PPARD: variants seen among roughly 807,000 people sequenced by gnomAD.
The protein encoded by PPARD is peroxisome proliferator activated receptor delta.
A neutral mutation model predicts 39.5 loss-of-function variants in PPARD; 6 were observed. The ratio of observed to expected loss-of-function variants is 0.15; its 90% CI spans 0.08 to 0.30. The LOEUF (loss-of-function observed/expected upper bound fraction) is 0.30, where lower values mean the gene tolerates loss of function less well. PPARD is among the 10% of genes least tolerant of loss of function. The pLI is 1.00. For missense variants in PPARD, 397 were observed against 596.8 expected, an observed-to-expected ratio of 0.67 and a Z score of 3.49; for synonymous variants, 210 against 231.3, an observed-to-expected ratio of 0.91 and a Z score of 0.83.
At chr6:35,415,752 G>C (rs1038929362) in intron 3 of PPARD, among the ~76,000 whole-genome samples, 2 of 146,048 alleles carry the variant, frequency 1.4e-5, no homozygotes, top group Admixed American at 1.3e-4. Flanking sequence ...CACTGTATTA[G>C]TCAGGGTTCT....
At chr6:35,348,876 T>C (rs1761046769) in intron 2 of PPARD, 1 of 985,388 alleles carries the variant, frequency 1.0e-6, no homozygotes, top group Middle Eastern at 5.2e-4. Flanking sequence ...CGGGGAGAGC[T>C]ACTGAGTTGA....
chr6:35,411,766 G>T (rs189873461), intron 3 of PPARD, among the ~76,000 whole-genome samples: 18 of 152,288 alleles, frequency 1.2e-4, no homozygotes, highest in Admixed American at 1.0e-3. Flanking sequence ...AGCTTCTCCT[G>T]TCTCACTTAT....
At chr6:35,404,573 A>T (rs1331547313) in intron 2 of PPARD, among the ~76,000 whole-genome samples, 1 of 152,222 alleles carries the variant, frequency 6.6e-6, no homozygotes, top group Non-Finnish European at 1.5e-5. Flanking sequence ...AGTGGGCATC[A>T]GGGAAACACC....
At chr6:35,356,129 T>G (rs776745699) in intron 2 of PPARD, among the ~76,000 whole-genome samples, 2 of 152,030 alleles carry the variant, frequency 1.3e-5, no homozygotes, top group Non-Finnish European at 2.9e-5. Context: ...GGTTGCCAAG[T>G]GGTGTGGGAA....
intron 2 of PPARD, among the ~76,000 whole-genome samples, chr6:35,372,487 G>A (rs920637987): frequency 6.6e-6 from 1 of 152,196 alleles, no homozygotes; most frequent in Non-Finnish European, 1.5e-5. Flanking sequence ...CCCACTCTGA[G>A]CTTTATAACC....
intron 2 of PPARD, among the ~76,000 whole-genome samples, chr6:35,407,635 A>G (rs1261052624): frequency 6.6e-6 from 1 of 151,874 alleles, no homozygotes; most frequent in Non-Finnish European, 1.5e-5. Context: ...CACATTGTGC[A>G]CATGTACCCT....
rs749011274 is a variant in PPARD, at chr6:35,425,966, G to A, written c.1213G>A (p.Asp405Asn). 6.2e-7 allele frequency: 1 copy of A among 1,614,172 alleles called. No homozygotes were observed. Among genetic ancestry groups the A allele is most frequent in the Non-Finnish European group, 8.5e-7 (1 of 1,180,030 alleles). ...LFPKLLQKMA[D>N]LRQLVTEHAQ... ...CCCCAAGCTGCTGCAGAAGATGGCTGACCTGCGGCAACTGGTCACCGAGCA... is the reference window on the plus strand; with the variant it reads ...CCCCAAGCTGCTGCAGAAGATGGCTAACCTGCGGCAACTGGTCACCGAGCA... Residue 405 changes from aspartate to asparagine, a missense_variant, in exon 8 of 8, where the codon GAC becomes AAC. Asp to Asn is a conservative substitution (Grantham distance 23). Coordinates refer to ENST00000360694, the MANE Select transcript of PPARD (RefSeq NM_006238.5). The surrounding 1 kb of genome is among the most constrained non-coding windows in gnomAD (Gnocchi z 4.5).
At chr6:35,371,603 C>T (rs1582323591) in intron 2 of PPARD, among the ~76,000 whole-genome samples, 1 of 152,146 alleles carries the variant, frequency 6.6e-6, no homozygotes, top group African/African-American at 2.4e-5. Flanking sequence ...ATTCCTCTGC[C>T]ATGCACAGGT....
intron 5 of PPARD, 122 bp downstream of exon 5, chr6:35,422,080 G>C: frequency 8.2e-7 from 1 of 1,221,430 alleles, no homozygotes; most frequent in African/African-American, 1.5e-5. Flanking sequence ...CGCACAGTAA[G>C]CACCATGGCT....
At chr6:35,342,773 C>G (rs1183053598) in intron 1 of PPARD, 92 bp downstream of exon 1, 1 of 152,336 alleles carries the variant, frequency 6.6e-6, no homozygotes, top group African/African-American at 2.4e-5. Context: ...GGCGCAAGGC[C>G]CGGCGGCGGG....
At position 35,394,636 on chromosome 6, in the gene PPARD, TG is replaced by T. The variant is rs375101970; in HGVS notation, c.-101-16349del. 5.8e-3 allele frequency among the ~76,000 whole-genome samples: 881 copies of T among 151,942 alleles called. 9 individuals carry two copies. The highest frequency in any genetic ancestry group is 0.017 in the African/African-American group (711 of 41,414). On this transcript the variant is annotated intron_variant, in intron 2 of 7. Coordinates refer to ENST00000360694, the MANE Select transcript of PPARD (RefSeq NM_006238.5). ...AAATACAAAAATTATCTGGGTGTGGTGGTGCGTACCTGTAGTCTCAGTTACC... is the reference window on the plus strand; with the variant it reads ...AAATACAAAAATTATCTGGGTGTGGTGTGCGTACCTGTAGTCTCAGTTACC...
chr6:35,391,354 G>T (rs758993254), intron 2 of PPARD, among the ~76,000 whole-genome samples: 2 of 152,196 alleles, frequency 1.3e-5, no homozygotes, highest in Admixed American at 1.3e-4. Flanking sequence ...ACAGTTTGGC[G>T]CATTTGCTTG....
intron 1 of PPARD, among the ~76,000 whole-genome samples, chr6:35,345,047 C>A (rs1792090769): frequency 6.6e-6 from 1 of 152,164 alleles, no homozygotes; most frequent in African/African-American, 2.4e-5. Flanking sequence ...CTCTTTTGAG[C>A]AGTTTGTTAC....
At chr6:35,419,893 A>G (rs1436076732) in intron 3 of PPARD, among the ~76,000 whole-genome samples, 1 of 152,174 alleles carries the variant, frequency 6.6e-6, no homozygotes, top group East Asian at 1.9e-4. Flanking sequence ...TGTGTACTGG[A>G]CATCTTCTGT....
chr6:35,380,459 G>GTGTT (rs1763068209), intron 2 of PPARD, among the ~76,000 whole-genome samples: 1 of 97,114 alleles, frequency 1.0e-5, no homozygotes, highest in Admixed American at 1.3e-4. Context: ...TTAACCTCGT[G>GTGTT]TTTTTTTTTT....
At chr6:35,345,024 G>C (rs1223601588) in intron 1 of PPARD, among the ~76,000 whole-genome samples, 3 of 152,116 alleles carry the variant, frequency 2.0e-5, no homozygotes, top group Non-Finnish European at 4.4e-5. Context: ...TGGCTTTCAA[G>C]GACTCCTCCT....
chr6:35,375,209 GTT>G (rs558275286), intron 2 of PPARD, among the ~76,000 whole-genome samples: 9 of 59,232 alleles, frequency 1.5e-4, no homozygotes, highest in African/African-American at 4.9e-4. Flanking sequence ...CTCCTTCCGA[GTT>G]TTTTTTTTTT....
At chr6:35,378,063 C>T (rs1015681861) in intron 2 of PPARD, among the ~76,000 whole-genome samples, 20 of 151,864 alleles carry the variant, frequency 1.3e-4, no homozygotes, top group Non-Finnish European at 2.4e-4. Context: ...GGGGTTTCAC[C>T]CTGTTGGCCA....
In PPARD at chr6:35,366,168, C is replaced by G. The variant is rs1417140523; in HGVS notation, c.-102+19018C>G. ...CCCCAAAACTTAGTAGCTTAAAACA[C>G]TATCTCGCAGTTTCTATGGGTTAGG... On this transcript the variant is annotated intron_variant, in intron 2 of 7. Transcript: ENST00000360694. The surrounding 1 kb of genome is among the most constrained non-coding windows in gnomAD (Gnocchi z 4.6). Among the ~76,000 whole-genome samples, 1 of 151,836 alleles carries G rather than the reference C, an allele frequency of 6.6e-6. No individual in the cohort carries two copies. The highest frequency in any genetic ancestry group is 6.5e-5 in the Admixed American group (1 of 15,280).
Sources: gnomAD v4.1 joint callset for allele counts (sites outside exome capture counted in the v4.1 genomes callset) on GRCh38, gnomAD v4.1.1 for gene constraint, Gnocchi (gnomAD v3.1) non-coding constraint, MANE v1.5 for transcripts, NCBI Gene and HGNC (gene_info 2026-07-23, HGNC 2026-07-21) for gene names.